Variants in FAM13A observed in about 807,000 individuals in gnomAD.
FAM13A encodes family with sequence similarity 13 member A, also known as protein FAM13A.
Under a neutral mutation model 129.6 loss-of-function variants are expected in FAM13A, and 76 were observed. The ratio of observed to expected loss-of-function variants is 0.59; its 90% CI spans 0.49 to 0.71. FAM13A has a LOEUF of 0.71. FAM13A is among the 30% of genes least tolerant of loss of function. The pLI is 0.00. For synonymous variants in FAM13A, 443 were observed against 449.9 expected (o/e 0.98, Z 0.20); for missense variants, 1,108 against 1,249.3 (o/e 0.89, Z 1.70).
intron 6 of FAM13A, among the ~76,000 whole-genome samples, chr4:88,866,897 A>C (rs1740558540): frequency 1.3e-5 from 2 of 152,228 alleles, no homozygotes; most frequent in African/African-American, 4.8e-5. Flanking sequence ...TAATTTTTTA[A>C]ACTTTTTAAA....
intron 10 of FAM13A, among the ~76,000 whole-genome samples, chr4:88,781,771 A>G (rs919109676): frequency 6.6e-6 from 1 of 151,806 alleles, no homozygotes; most frequent in Non-Finnish European, 1.5e-5. Context: ...TTAGTAGTGT[A>G]GAAATGTGTA....
chr4:88,865,698 G>A (rs1160016570), intron 6 of FAM13A, among the ~76,000 whole-genome samples: 2 of 152,132 alleles, frequency 1.3e-5, no homozygotes, highest in African/African-American at 4.8e-5. Context: ...CAACTACTCA[G>A]CTCTGCCGTG....
At chr4:88,865,622 CAAACTTTTTCCGT>C (rs998979041) in intron 6 of FAM13A, among the ~76,000 whole-genome samples, 1 of 152,142 alleles carries the variant, frequency 6.6e-6, no homozygotes, top group African/African-American at 2.4e-5. Context: ...TAGGAGCTGG[CAAACTTTTTCCGT>C]AAAGGGCCAG....
intron 4 of FAM13A, among the ~76,000 whole-genome samples, chr4:88,961,815 G>A (rs561130658): frequency 2.6e-5 from 4 of 152,150 alleles, no homozygotes; most frequent in Admixed American, 1.3e-4. Context: ...TCATGTTAAA[G>A]GGCTGCAAAA....
chr4:88,857,162 C>T (rs542664436), intron 6 of FAM13A, among the ~76,000 whole-genome samples: 146 of 152,066 alleles, frequency 9.6e-4, no homozygotes, highest in Non-Finnish European at 1.6e-3. Flanking sequence ...CTTACACATG[C>T]TTATCTTTTT....
At position 88,957,885 on chromosome 4, in the gene FAM13A, G is replaced by C. The variant is rs187546402; in HGVS notation, c.606-19644C>G. On this transcript the variant is annotated intron_variant, in intron 4 of 23. Transcript: ENST00000264344. ...GGAATTTGTGGAAGTTTGAACTTTAGAGTGAAGATTTAGGGTATCTGGTGG... is the reference window on the plus strand; with the variant it reads ...GGAATTTGTGGAAGTTTGAACTTTACAGTGAAGATTTAGGGTATCTGGTGG... Among the ~76,000 whole-genome samples the C allele has an allele frequency of 3.0e-3, 450 of 152,324 alleles. 5 individuals are homozygous for C. The highest frequency in any genetic ancestry group is 0.014 in the Middle Eastern group (4 of 294).
At chr4:88,991,601 C>G (rs568559012) in intron 3 of FAM13A, among the ~76,000 whole-genome samples, 1 of 152,128 alleles carries the variant, frequency 6.6e-6, no homozygotes, top group East Asian at 1.9e-4. Context: ...ACAGTGGAAT[C>G]TTCCATTTGA....
At chr4:88,956,672 A>G (rs1384142678) in intron 4 of FAM13A, among the ~76,000 whole-genome samples, 1 of 152,204 alleles carries the variant, frequency 6.6e-6, no homozygotes, top group Non-Finnish European at 1.5e-5. Context: ...AGTAGGTCTC[A>G]GTAGGCCAAA....
Position 88,844,925 on chromosome 4 carries a change from G to A in FAM13A, c.1007+6095C>T, listed in dbSNP as rs75426594. Among the ~76,000 whole-genome samples the A allele has an allele frequency of 6.0e-3, 919 of 152,276 alleles. 10 individuals carry two copies. The highest frequency in any genetic ancestry group is 0.021 in the African/African-American group (872 of 41,550). ...TTTGGGTTATCTGAGGGACTGGGAA[G>A]ACAAGTCTGCTAGTTAGAGTGACAT... On this transcript the variant is annotated intron_variant, in intron 7 of 23. Transcript: ENST00000264344.
At chr4:88,812,363 T>C (rs1377898370) in intron 7 of FAM13A, among the ~76,000 whole-genome samples, 4 of 152,172 alleles carry the variant, frequency 2.6e-5, no homozygotes, top group Admixed American at 6.6e-5. Flanking sequence ...TTCCTTGTTT[T>C]CCACACTAGT....
At chr4:88,758,197 CA>C (rs1302674008) in intron 14 of FAM13A, among the ~76,000 whole-genome samples, 11 of 152,132 alleles carry the variant, frequency 7.2e-5, no homozygotes, top group African/African-American at 2.7e-4. Flanking sequence ...CAATCTAAAG[CA>C]CTCACTGTAT....
chr4:88,857,227 T>C (rs1418702150), intron 6 of FAM13A, among the ~76,000 whole-genome samples: 2 of 152,222 alleles, frequency 1.3e-5, no homozygotes, highest in Non-Finnish European at 2.9e-5. Flanking sequence ...TAAAATCTCA[T>C]CTTGATCCAA....
chr4:88,887,388 G>A (rs920456404), intron 6 of FAM13A, among the ~76,000 whole-genome samples: 1 of 152,130 alleles, frequency 6.6e-6, no homozygotes, highest in African/African-American at 2.4e-5. Flanking sequence ...ATTCCATAAT[G>A]AGCTCAAGGA....
intron 1 of FAM13A, among the ~76,000 whole-genome samples, chr4:89,050,142 C>G (rs999243261): frequency 6.6e-6 from 1 of 152,180 alleles, no homozygotes; most frequent in Non-Finnish European, 1.5e-5. Context: ...TAGTCAGTGA[C>G]GAAAACCAGG....
intron 4 of FAM13A, among the ~76,000 whole-genome samples, chr4:88,943,120 A>G (rs981060013): frequency 1.3e-5 from 2 of 152,232 alleles, no homozygotes; most frequent in Non-Finnish European, 2.9e-5. Context: ...ATGAATGACT[A>G]TTATTCACAG....
chr4:88,744,215 T>C (rs1740828400), intron 19 of FAM13A, among the ~76,000 whole-genome samples: 1 of 152,178 alleles, frequency 6.6e-6, no homozygotes, highest in African/African-American at 2.4e-5. Flanking sequence ...CTTCTGGTTC[T>C]GATCAGGTAA....
At chr4:89,025,831 A>G (rs1380932054) in intron 2 of FAM13A, among the ~76,000 whole-genome samples, 1 of 152,196 alleles carries the variant, frequency 6.6e-6, no homozygotes, top group African/African-American at 2.4e-5. Flanking sequence ...AAACATCTTA[A>G]GAAGATACCA....
At chr4:88,959,402 T>C (rs563038585) in intron 4 of FAM13A, among the ~76,000 whole-genome samples, 2 of 152,350 alleles carry the variant, frequency 1.3e-5, no homozygotes, top group Admixed American at 6.5e-5. Flanking sequence ...GGCCATCCCC[T>C]TGGTGATGAG....
At chr4:88,779,738 A>C (rs544606802) in intron 11 of FAM13A, among the ~76,000 whole-genome samples, 1 of 152,336 alleles carries the variant, frequency 6.6e-6, no homozygotes, top group South Asian at 2.1e-4. Flanking sequence ...TTTTATCAGT[A>C]AACACATATT....
Sources: allele counts gnomAD v4.1 joint callset (sites outside exome capture counted in the v4.1 genomes callset), GRCh38; gene constraint gnomAD v4.1.1; transcripts MANE v1.5; gene names NCBI Gene and HGNC (gene_info 2026-07-23, HGNC 2026-07-21).